The following OR6N1 variants were observed in gnomAD, a reference collection of about 807,000 sequenced individuals.
OR6N1 encodes the protein olfactory receptor family 6 subfamily N member 1.
For missense variants in OR6N1, 394 were observed against 371.7 expected, an observed-to-expected ratio of 1.06 and a Z score of -0.49; for synonymous variants, 170 against 150.7, an observed-to-expected ratio of 1.13 and a Z score of -0.94.
intron 1 of OR6N1, among the ~76,000 whole-genome samples, chr1:158,767,719 C>T (rs541205212): frequency 6.6e-6 from 1 of 152,094 alleles, no homozygotes; most frequent in Non-Finnish European, 1.5e-5. Flanking sequence ...AAAGCAAGAG[C>T]CTTAAATTCT....
the OR6N1 span, among the ~76,000 whole-genome samples, chr1:158,804,026 C>G: frequency 6.6e-6 from 1 of 152,268 alleles, no homozygotes; most frequent in African/African-American, 2.4e-5. Flanking sequence ...TCAAGGTTGA[C>G]CAGCAATGAG....
chr1:158,839,596 A>G, the OR6N1 span, among the ~76,000 whole-genome samples: 1 of 152,194 alleles, frequency 6.6e-6, no homozygotes, highest in Non-Finnish European at 1.5e-5. Context: ...CCTACAGAGA[A>G]GCTATAATGT....
At chr1:158,805,930 C>A in the OR6N1 span, among the ~76,000 whole-genome samples, 1 of 152,026 alleles carries the variant, frequency 6.6e-6, no homozygotes, top group African/African-American at 2.4e-5. Context: ...GATGGTAAGT[C>A]CCCCATGTTC....
the OR6N1 span, among the ~76,000 whole-genome samples, chr1:158,784,832 C>T: frequency 6.6e-6 from 1 of 151,978 alleles, no homozygotes; most frequent in Non-Finnish European, 1.5e-5. Context: ...TTGATAGACC[C>T]CAACATGTTA....
chr1:158,792,243 G>A, the OR6N1 span, among the ~76,000 whole-genome samples: 2 of 152,042 alleles, frequency 1.3e-5, no homozygotes, highest in Non-Finnish European at 2.9e-5. Context: ...CCCTTTGCAA[G>A]AAATACTTTT....
Position 158,764,839 on chromosome 1 carries a change from T to A in OR6N1, c.*905A>T, listed in dbSNP as rs1657201876. 1 of 151,818 alleles carries A rather than the reference T, an allele frequency of 6.6e-6. No individual in the cohort carries two copies. The highest frequency in any genetic ancestry group is 1.5e-5 in the Non-Finnish European group (1 of 67,880). The allele number at this position is 151,818 out of a possible 1,614,324, so 9.4% of individuals were successfully genotyped here. On this transcript the variant is annotated 3_prime_UTR_variant, in exon 2 of 2. Coordinates refer to ENST00000641846, the MANE Select transcript of OR6N1 (RefSeq NM_001005185.2). Reference sequence around the variant, plus strand: ...ATACTTTCATACATTATACTGGCCATAGATATTAGGACCACTAAGACAGGT... The same window carrying A: ...ATACTTTCATACATTATACTGGCCAAAGATATTAGGACCACTAAGACAGGT...
chr1:158,769,783 A>G (rs1171426642), intron 1 of OR6N1, among the ~76,000 whole-genome samples: 1 of 152,216 alleles, frequency 6.6e-6, no homozygotes, highest in Non-Finnish European at 1.5e-5. Flanking sequence ...TAGATTCCAG[A>G]GAACTACTTC....
the OR6N1 span, among the ~76,000 whole-genome samples, chr1:158,826,219 G>A: frequency 1.3e-5 from 2 of 151,294 alleles, no homozygotes; most frequent in Admixed American, 6.6e-5. Flanking sequence ...AAATCCCCAG[G>A]ACACAGAGTT....
the OR6N1 span, among the ~76,000 whole-genome samples, chr1:158,792,943 C>T: frequency 2.0e-5 from 3 of 152,140 alleles, no homozygotes; most frequent in African/African-American, 4.8e-5. Flanking sequence ...TTTACATGAT[C>T]CCATATTTCT....
chr1:158,814,477 C>T, the OR6N1 span, among the ~76,000 whole-genome samples: 2 of 152,140 alleles, frequency 1.3e-5, no homozygotes, highest in East Asian at 1.9e-4. Context: ...ACCGCAGATT[C>T]GGTGGCTTAT....
chr1:158,839,616 G>T, the OR6N1 span, among the ~76,000 whole-genome samples: 1 of 152,172 alleles, frequency 6.6e-6, no homozygotes, highest in Non-Finnish European at 1.5e-5. Context: ...TTGCAAAGCA[G>T]TTCCACACTT....
chr1:158,793,149 C>T, the OR6N1 span, among the ~76,000 whole-genome samples: 1 of 151,542 alleles, frequency 6.6e-6, no homozygotes, highest in Non-Finnish European at 1.5e-5. Flanking sequence ...GTATCAGTCT[C>T]TCTAGAAAAT....
chr1:158,773,341 A>G (rs886669130), upstream of OR6N1, among the ~76,000 whole-genome samples: 4 of 152,190 alleles, frequency 2.6e-5, no homozygotes, highest in Non-Finnish European at 4.4e-5. Context: ...AGGTTTATTC[A>G]GGTTTTCTAA....
the OR6N1 span, among the ~76,000 whole-genome samples, chr1:158,782,852 G>T: frequency 2.0e-5 from 3 of 151,928 alleles, no homozygotes; most frequent in Non-Finnish European, 4.4e-5. Flanking sequence ...GAGTGACTTT[G>T]TCTGATGTTG....
chr1:158,776,156 G>A (rs941156810), upstream of OR6N1: 3 of 152,420 alleles, frequency 2.0e-5, no homozygotes, highest in African/African-American at 7.2e-5. Context: ...GTTAGGGAGA[G>A]TTAAGGAGTA....
the OR6N1 span, among the ~76,000 whole-genome samples, chr1:158,836,283 G>GA: frequency 7.9e-5 from 12 of 151,976 alleles, no homozygotes; most frequent in African/African-American, 2.9e-4. Context: ...AATTTTGAAA[G>GA]ACTTTGAGGA....
chr1:158,777,736 A>G, the OR6N1 span: 1 of 719,962 alleles, frequency 1.4e-6, no homozygotes, highest in East Asian at 2.7e-5. Flanking sequence ...TTAACTTAAA[A>G]GTAGCACTGA....
At chr1:158,805,897 G>A in the OR6N1 span, among the ~76,000 whole-genome samples, 1 of 152,112 alleles carries the variant, frequency 6.6e-6, no homozygotes, top group Non-Finnish European at 1.5e-5. Flanking sequence ...GTTGTTAGAT[G>A]ACTGCTTATG....
At chr1:158,826,283 T>G in the OR6N1 span, among the ~76,000 whole-genome samples, 664 of 152,310 alleles carry the variant, frequency 4.4e-3, 3 homozygotes, top group African/African-American at 0.015. Context: ...AAACATTTTT[T>G]TAAAAACATA....
Sources: gnomAD v4.1 joint callset for allele counts (sites outside exome capture counted in the v4.1 genomes callset) on GRCh38, gnomAD v4.1.1 for gene constraint, MANE v1.5 for transcripts, NCBI Gene and HGNC (gene_info 2026-07-23, HGNC 2026-07-21) for gene names.